Variants in VTCN1 observed in about 807,000 individuals in gnomAD.
VTCN1 encodes V-set domain containing T cell activation inhibitor 1, also known as V-set domain-containing T-cell activation inhibitor 1.
Under a neutral mutation model 26.5 loss-of-function variants are expected in VTCN1, and 26 were observed. The observed-to-expected ratio is 0.98, with a 90% CI of 0.72 to 1.36. VTCN1 has a LOEUF of 1.36. Ranked by LOEUF, VTCN1 falls within the 40% of genes most tolerant of loss-of-function variation. The pLI is 0.00. For synonymous variants in VTCN1, 116 were observed against 130.7 expected, an observed-to-expected ratio of 0.89 and a Z score of 0.77; for missense variants, 298 against 337.7, an observed-to-expected ratio of 0.88 and a Z score of 0.92.
chr1:117,191,082 A>ATTC (rs1648221116), intron 1 of VTCN1, among the ~76,000 whole-genome samples: 1 of 152,232 alleles, frequency 6.6e-6, no homozygotes, highest in Admixed American at 6.5e-5. Context: ...AACCATAAAG[A>ATTC]AGAACTAAAC....
At chr1:117,206,608 G>A (rs531930851) in intron 1 of VTCN1, among the ~76,000 whole-genome samples, 7 of 152,218 alleles carry the variant, frequency 4.6e-5, no homozygotes, top group African/African-American at 1.7e-4. Flanking sequence ...GCATGACAGA[G>A]TCCCAACCCT....
intron 2 of VTCN1, among the ~76,000 whole-genome samples, chr1:117,160,543 C>T (rs1003522407): frequency 3.9e-5 from 6 of 152,244 alleles, no homozygotes; most frequent in Non-Finnish European, 8.8e-5. Flanking sequence ...CCAGCCTGGA[C>T]TTCAAAGCTA....
rs1280809304 is a variant in VTCN1, at chr1:117,155,197, G to C, written c.445+1377C>G. On this transcript the variant is annotated intron_variant, in intron 3 of 5. Transcript: ENST00000369458. The surrounding 1 kb of genome is among the most constrained non-coding windows in gnomAD (Gnocchi z 4.8). Reference sequence around the variant, plus strand: ...AGGTTACAGGTTTTAGAGAGGAAGAGCACAGGAGGTAAAGTGCCCTTCCCA... The same window carrying C: ...AGGTTACAGGTTTTAGAGAGGAAGACCACAGGAGGTAAAGTGCCCTTCCCA... Among the ~76,000 whole-genome samples, 1 of 152,198 alleles carries C rather than the reference G, an allele frequency of 6.6e-6. No homozygotes were observed. Among genetic ancestry groups the C allele is most frequent in the Non-Finnish European group, 1.5e-5 (1 of 68,038 alleles).
intron 1 of VTCN1, among the ~76,000 whole-genome samples, chr1:117,178,716 C>T (rs1647514369): frequency 6.7e-6 from 1 of 149,920 alleles, no homozygotes; most frequent in Non-Finnish European, 1.5e-5. Context: ...GCTTTAGCCT[C>T]TTGAGTAGCT....
At chr1:117,157,174 C>T (rs911002013) in intron 2 of VTCN1, among the ~76,000 whole-genome samples, 1 of 150,566 alleles carries the variant, frequency 6.6e-6, no homozygotes, top group Non-Finnish European at 1.5e-5. Context: ...CTTGAGAACA[C>T]ATTGGACTTG....
chr1:117,152,362 G>A (rs767445134), intron 4 of VTCN1, among the ~76,000 whole-genome samples: 8 of 152,116 alleles, frequency 5.3e-5, no homozygotes, highest in African/African-American at 1.4e-4. Flanking sequence ...GCCTCCTGAC[G>A]TACTCCTTTC....
intron 1 of VTCN1, among the ~76,000 whole-genome samples, chr1:117,176,004 A>C (rs1283478046): frequency 6.6e-6 from 1 of 152,130 alleles, no homozygotes; most frequent in East Asian, 1.9e-4. Flanking sequence ...TCCTGACCTC[A>C]GGTGATCCAC....
chr1:117,156,188 C>A (rs1252606471), intron 3 of VTCN1, among the ~76,000 whole-genome samples: 1 of 152,198 alleles, frequency 6.6e-6, no homozygotes, highest in African/African-American at 2.4e-5. Flanking sequence ...CTAAAATGCA[C>A]TCACTGTCAT....
intron 1 of VTCN1, among the ~76,000 whole-genome samples, chr1:117,208,770 T>C (rs958169064): frequency 2.0e-5 from 3 of 152,094 alleles, no homozygotes; most frequent in African/African-American, 7.2e-5. Flanking sequence ...CAGCATTCCA[T>C]CCCTGAGCAG....
At chr1:117,149,290 T>TG (rs59924216) in intron 4 of VTCN1, among the ~76,000 whole-genome samples, 20,219 of 148,958 alleles carry the variant, frequency 0.14, 2,314 homozygotes, top group African/African-American at 0.32. Context: ...TGTTTTGGGG[T>TG]GGGTTTTTTT....
chr1:117,184,926 C>T (rs780842957), intron 1 of VTCN1, among the ~76,000 whole-genome samples: 1 of 152,160 alleles, frequency 6.6e-6, no homozygotes, highest in Non-Finnish European at 1.5e-5. Context: ...GGCCTGGAAG[C>T]AATGCCCAGC....
chr1:117,163,173 T>C (rs1044550840), intron 2 of VTCN1, among the ~76,000 whole-genome samples: 6 of 152,174 alleles, frequency 3.9e-5, no homozygotes, highest in Non-Finnish European at 8.8e-5. Flanking sequence ...AAAAGGACAC[T>C]GGGCAAGGCC....
intron 1 of VTCN1, among the ~76,000 whole-genome samples, chr1:117,196,496 C>T (rs1478289477): frequency 6.6e-6 from 1 of 150,466 alleles, no homozygotes; most frequent in Non-Finnish European, 1.5e-5. Context: ...TATTTTTTTC[C>T]TTTGTGCTTT....
In VTCN1 at chr1:117,156,620, G is replaced by A. The variant is rs568149073; in HGVS notation, c.399C>T (p.Ile133=). The A allele has an allele frequency of 2.5e-6, 4 of 1,612,912 alleles. No homozygotes were observed. The African/African-American group carries it at 4.0e-5, about 16-fold the overall frequency. Residue 133 remains isoleucine (I), a synonymous_variant, in exon 3 of 6, where the codon ATC becomes ATT. Coordinates refer to ENST00000369458, the MANE Select transcript of VTCN1 (RefSeq NM_024626.4). ...TDAGTYKCYI[I]TSKGKGNANL... ...TAGCATTCCCCTTGCCTTTAGAAGT[G>A]ATGATATAACATTTGTAGGTGCCAG...
At chr1:117,193,299 A>G (rs912839743) in intron 1 of VTCN1, among the ~76,000 whole-genome samples, 2 of 152,164 alleles carry the variant, frequency 1.3e-5, no homozygotes, top group South Asian at 2.1e-4. Context: ...TTTTCAGTCA[A>G]AAGACAGAAT....
At chr1:117,195,095 C>T (rs560306525) in intron 1 of VTCN1, among the ~76,000 whole-genome samples, 1 of 151,782 alleles carries the variant, frequency 6.6e-6, no homozygotes, top group South Asian at 2.1e-4. Flanking sequence ...AACCCTATCT[C>T]TAGTAAAAAT....
intron 1 of VTCN1, among the ~76,000 whole-genome samples, chr1:117,195,621 T>C (rs1189610096): frequency 6.6e-6 from 1 of 152,172 alleles, no homozygotes; most frequent in East Asian, 1.9e-4. Context: ...GCAGGGTTAG[T>C]GCTGGTTCTG....
At chr1:117,148,665 T>C (rs546156869) in intron 4 of VTCN1, among the ~76,000 whole-genome samples, 3 of 152,326 alleles carry the variant, frequency 2.0e-5, no homozygotes, top group South Asian at 2.1e-4. Context: ...GTACCTACTA[T>C]TGGGGTTCAA....
rs1382111507 is a variant in VTCN1 at position 117,143,727 on chromosome 1, G to C, written c.*1544C>G. On this transcript the variant is annotated 3_prime_UTR_variant, in exon 6 of 6. Coordinates refer to ENST00000369458, the MANE Select transcript of VTCN1 (RefSeq NM_024626.4). ...TTAACACATGAAGAGTGTGGGAAGG[G>C]GGCTGGAAACAAAGTATTCTTTTCC... 1 of 152,206 alleles carries C rather than the reference G, an allele frequency of 6.6e-6. No individual in the cohort carries two copies. The allele number at this position is 152,206 out of a possible 1,614,324, so 9.4% of individuals were successfully genotyped here.
Sources: gnomAD v4.1 joint callset for allele counts (sites outside exome capture counted in the v4.1 genomes callset) on GRCh38, gnomAD v4.1.1 for gene constraint, Gnocchi (gnomAD v3.1) non-coding constraint, MANE v1.5 for transcripts, NCBI Gene and HGNC (gene_info 2026-07-23, HGNC 2026-07-21) for gene names.